The following ADGRL3 variants were observed in gnomAD, a reference collection of about 807,000 sequenced individuals.
ADGRL3 encodes the protein adhesion G protein-coupled receptor L3.
A neutral mutation model predicts 153.5 loss-of-function variants in ADGRL3; 62 were observed. That is an observed-to-expected ratio of 0.40 (90% CI 0.33 to 0.50). ADGRL3 has a LOEUF of 0.50. Among genes scored for constraint, ADGRL3 ranks in the 20% least tolerant of loss-of-function variants. The pLI is 0.47. For synonymous variants in ADGRL3, 710 were observed against 672.5 expected (o/e 1.06, Z -0.86); for missense variants, 1,641 against 1,859.4 (o/e 0.88, Z 2.16).
chr4:61,483,969 T>C (rs1333007636), intron 2 of ADGRL3, among the ~76,000 whole-genome samples: 1 of 151,752 alleles, frequency 6.6e-6, no homozygotes, highest in Non-Finnish European at 1.5e-5. Context: ...TATAATATAT[T>C]CTGCTCATAT....
In ADGRL3 at chr4:62,061,424, C is replaced by A. The variant is rs139503006; in HGVS notation, c.3815-6742C>A. ...AGAATATTAATATTGACACAATCCA[C>A]CACTCTTGTTCAGATTTCTTTAGTT... On this transcript the variant is annotated intron_variant, in intron 25 of 26. Transcript: ENST00000683033. Among the ~76,000 whole-genome samples, 5 of 152,022 alleles carry A rather than the reference C, an allele frequency of 3.3e-5. No individual in the cohort carries two copies. In the East Asian group the frequency reaches 9.7e-4, roughly 29 times the overall value.
chr4:61,714,221 G>GCACACACACACACACACA (rs57350284), intron 6 of ADGRL3, among the ~76,000 whole-genome samples: 7,810 of 150,702 alleles, frequency 0.052, 612 homozygotes, highest in African/African-American at 0.17. Flanking sequence ...TGTAAAATAC[G>GCACACACACACACACACA]CACACACACA....
chr4:61,714,698 G>T (rs922096835), intron 6 of ADGRL3, among the ~76,000 whole-genome samples: 1 of 152,100 alleles, frequency 6.6e-6, no homozygotes, highest in Admixed American at 6.6e-5. Context: ...TCAGTTGTAC[G>T]GTTCTGGGTG....
intron 8 of ADGRL3, among the ~76,000 whole-genome samples, chr4:61,778,215 C>T (rs2097175054): frequency 6.6e-6 from 1 of 152,298 alleles, no homozygotes; most frequent in East Asian, 1.9e-4. Flanking sequence ...AGACTTGGAT[C>T]CCATCCCCAA....
At chr4:61,858,699 T>TTTTG (rs566784610) in intron 9 of ADGRL3, among the ~76,000 whole-genome samples, 104 of 152,342 alleles carry the variant, frequency 6.8e-4, no homozygotes, top group Admixed American at 1.4e-3. Context: ...ATTTGTCTTC[T>TTTTG]TTTGTTTGTT....
chr4:61,446,242 T>C (rs1273327475), intron 2 of ADGRL3, among the ~76,000 whole-genome samples: 1 of 152,228 alleles, frequency 6.6e-6, no homozygotes, highest in Non-Finnish European at 1.5e-5. Flanking sequence ...TAAATGTGTG[T>C]AATTCTAAAG....
rs536597441 is a variant in ADGRL3 at position 61,723,708 on chromosome 4, A to C, written c.584-6914A>C. Among the ~76,000 whole-genome samples the C allele has an allele frequency of 7.2e-5, 11 of 152,206 alleles. No homozygotes were observed. The South Asian group carries it at 2.3e-3, about 32-fold the overall frequency. ...GGCGTATGTGGTGACTAGAAGAGGG[A>C]GGGAACCGCCATGTTGGGTGGATCA... is the stretch of plus-strand genomic sequence containing the variant. On this transcript the variant is annotated intron_variant, in intron 6 of 26. Coordinates refer to ENST00000683033, the MANE Select transcript of ADGRL3 (RefSeq NM_001387552.1).
intron 1 of ADGRL3, among the ~76,000 whole-genome samples, chr4:61,316,247 T>A (rs2095208592): frequency 6.6e-6 from 1 of 151,886 alleles, no homozygotes. Flanking sequence ...AAAATAACAT[T>A]TGAAAGAGCC....
At chr4:61,718,518 G>T (rs2151596708) in intron 6 of ADGRL3, among the ~76,000 whole-genome samples, 1 of 152,116 alleles carries the variant, frequency 6.6e-6, no homozygotes, top group Admixed American at 6.5e-5. Flanking sequence ...CTTTAAAGTT[G>T]AATTTTTTTA....
chr4:61,646,762 C>T (rs1310583373), intron 5 of ADGRL3, among the ~76,000 whole-genome samples: 2 of 152,184 alleles, frequency 1.3e-5, no homozygotes, highest in Non-Finnish European at 2.9e-5. Flanking sequence ...GAGGTGGAGC[C>T]TACAGAGGCA....
chr4:61,802,279 G>C (rs1246087076), intron 8 of ADGRL3, among the ~76,000 whole-genome samples: 2 of 152,104 alleles, frequency 1.3e-5, no homozygotes, highest in East Asian at 3.9e-4. Context: ...GTTTGAAAGT[G>C]AGAAAATCCA....
chr4:61,922,759 A>G (rs2098775821), intron 13 of ADGRL3, among the ~76,000 whole-genome samples: 1 of 152,210 alleles, frequency 6.6e-6, no homozygotes, highest in African/African-American at 2.4e-5. Flanking sequence ...TTTCAGGTGC[A>G]GGGATTCACG....
chr4:61,687,242 T>A (rs1189797004), intron 6 of ADGRL3, among the ~76,000 whole-genome samples: 1 of 152,044 alleles, frequency 6.6e-6, no homozygotes, highest in Non-Finnish European at 1.5e-5. Flanking sequence ...ATTCTCAGAA[T>A]GAATATGTCA....
chr4:61,930,006 T>C (rs2150086333), intron 13 of ADGRL3, among the ~76,000 whole-genome samples: 1 of 152,140 alleles, frequency 6.6e-6, no homozygotes, highest in South Asian at 2.1e-4. Context: ...AAACCCTGTC[T>C]GTACTAAAAA....
rs1057423471 is a variant in ADGRL3 at position 61,743,342 on chromosome 4, A to G, written c.1399+9788A>G. 4.7e-4 allele frequency among the ~76,000 whole-genome samples: 70 copies of G among 149,360 alleles called. 1 individual carries two copies. The highest frequency in any genetic ancestry group is 1.3e-3 in the Admixed American group (19 of 15,030). On this transcript the variant is annotated intron_variant, in intron 8 of 26. Transcript: ENST00000683033. ...TCCATCTCAAAAAAAAAAAAAAAAA[A>G]AAAAGAAAAGAGAAAACAATTCTGC...
intron 2 of ADGRL3, among the ~76,000 whole-genome samples, chr4:61,459,900 T>C (rs2097790756): frequency 6.6e-6 from 1 of 152,166 alleles, no homozygotes; most frequent in Non-Finnish European, 1.5e-5. Flanking sequence ...TCTTTGCCTA[T>C]TCAGATCTGT....
chr4:61,613,032 A>T (rs1405272601), intron 5 of ADGRL3, among the ~76,000 whole-genome samples: 1 of 152,146 alleles, frequency 6.6e-6, no homozygotes, highest in Non-Finnish European at 1.5e-5. Context: ...CCCATATGTG[A>T]TTTGAAGTAA....
At chr4:61,295,672 G>A (rs372521040) in intron 1 of ADGRL3, among the ~76,000 whole-genome samples, 17 of 151,948 alleles carry the variant, frequency 1.1e-4, no homozygotes, top group African/African-American at 2.9e-4. Flanking sequence ...AAGTAAGAGC[G>A]GGCTGGGCAC....
chr4:61,912,304 A>C (rs561370147), intron 12 of ADGRL3, among the ~76,000 whole-genome samples: 27 of 152,330 alleles, frequency 1.8e-4, no homozygotes, highest in African/African-American at 6.3e-4. Flanking sequence ...TAAACCACAA[A>C]TAATCTATCT....
Sources: gnomAD v4.1 joint callset for allele counts (sites outside exome capture counted in the v4.1 genomes callset) on GRCh38, gnomAD v4.1.1 for gene constraint, MANE v1.5 for transcripts, NCBI Gene and HGNC (gene_info 2026-07-23, HGNC 2026-07-21) for gene names.